SCFD2: variants seen among roughly 807,000 people sequenced by gnomAD.
SCFD2 encodes sec1 family domain-containing protein 2.
A neutral mutation model predicts 58.9 loss-of-function variants in SCFD2; 54 were observed. The ratio of observed to expected loss-of-function variants is 0.92; its 90% confidence interval spans 0.74 to 1.15. The LOEUF (loss-of-function observed/expected upper bound fraction) is 1.15. Among genes scored for constraint, SCFD2 ranks in the 50% most tolerant of loss-of-function variants. SCFD2 has a pLI of 0.00. For synonymous variants in SCFD2, 321 were observed against 335.9 expected, an observed-to-expected ratio of 0.96 and a Z score of 0.49; for missense variants, 805 against 836.6, an observed-to-expected ratio of 0.96 and a Z score of 0.47.
intron 4 of SCFD2, among the ~76,000 whole-genome samples, chr4:53,176,043 A>C (rs1477992202): frequency 6.6e-6 from 1 of 152,132 alleles, no homozygotes; most frequent in Non-Finnish European, 1.5e-5. Context: ...ATCTATTCAA[A>C]TGATATTTTT....
intron 5 of SCFD2, among the ~76,000 whole-genome samples, chr4:53,086,401 T>A (rs1191632225): frequency 1.3e-5 from 2 of 152,180 alleles, no homozygotes; most frequent in East Asian, 3.9e-4. Flanking sequence ...GACAAAGATA[T>A]GGAGGAAAAA....
At chr4:53,238,061 C>G (rs1457182897) in intron 4 of SCFD2, among the ~76,000 whole-genome samples, 3 of 137,328 alleles carry the variant, frequency 2.2e-5, no homozygotes, top group African/African-American at 8.3e-5. Flanking sequence ...GGCTGACCCC[C>G]CCACCTCCCT....
At chr4:53,021,165 T>C (rs751659791) in intron 5 of SCFD2, among the ~76,000 whole-genome samples, 32 of 152,216 alleles carry the variant, frequency 2.1e-4, no homozygotes, top group Non-Finnish European at 4.0e-4. Context: ...ACAAACTTAT[T>C]GGGCCTTTTA....
intron 5 of SCFD2, among the ~76,000 whole-genome samples, chr4:53,078,079 A>G (rs1211668889): frequency 6.6e-6 from 1 of 152,176 alleles, no homozygotes; most frequent in African/African-American, 2.4e-5. Context: ...GATCAACAGG[A>G]ACTAGTTATT....
At chr4:52,979,762 A>C (rs1016351853) in intron 5 of SCFD2, among the ~76,000 whole-genome samples, 2 of 152,192 alleles carry the variant, frequency 1.3e-5, no homozygotes, top group African/African-American at 4.8e-5. Flanking sequence ...AGTTAGAGAC[A>C]CATATCCAGA....
intron 4 of SCFD2, among the ~76,000 whole-genome samples, chr4:53,231,385 G>A (rs1333553662): frequency 1.3e-5 from 2 of 152,086 alleles, no homozygotes; most frequent in Non-Finnish European, 2.9e-5. Context: ...TAGGTGGCTC[G>A]ATAAATATTG....
chr4:52,973,455 C>T (rs1042744329), intron 5 of SCFD2, among the ~76,000 whole-genome samples: 2 of 152,162 alleles, frequency 1.3e-5, no homozygotes, highest in African/African-American at 4.8e-5. Flanking sequence ...TACACCCTCC[C>T]AAGACTAAAC....
chr4:53,222,107 A>G (rs932798313), intron 4 of SCFD2, among the ~76,000 whole-genome samples: 2 of 152,200 alleles, frequency 1.3e-5, no homozygotes, highest in Non-Finnish European at 2.9e-5. Flanking sequence ...ATCTGTTCCT[A>G]TATTACCATC....
intron 5 of SCFD2, among the ~76,000 whole-genome samples, chr4:52,990,701 T>C (rs770394058): frequency 5.9e-5 from 9 of 152,196 alleles, no homozygotes; most frequent in Non-Finnish European, 1.3e-4. Context: ...CATACACAAA[T>C]TGAAGGCAGG....
rs879615421 is a variant in SCFD2, at chr4:52,936,080, G to A, written c.1562-15210C>T. Among the ~76,000 whole-genome samples, 30 of 152,046 alleles carry A rather than the reference G, an allele frequency of 2.0e-4. No individual in the cohort carries two copies. In the South Asian group the frequency reaches 3.3e-3, roughly 17 times the overall value. On this transcript the variant is annotated intron_variant, in intron 5 of 8. Transcript: ENST00000401642. ...TCAAACTCCCGACCTCAGATGATCC[G>A]CCTGCCTCATCCTCCCAAAGTGCTG...
intron 5 of SCFD2, among the ~76,000 whole-genome samples, chr4:52,952,093 A>G (rs1577855362): frequency 6.6e-6 from 1 of 152,256 alleles, no homozygotes; most frequent in African/African-American, 2.4e-5. Context: ...CTCAGATGCC[A>G]GGTTGGTAAG....
chr4:53,340,390 C>A (rs193277470), intron 2 of SCFD2, among the ~76,000 whole-genome samples: 3 of 152,168 alleles, frequency 2.0e-5, no homozygotes, highest in Non-Finnish European at 4.4e-5. Context: ...GATCAAACTA[C>A]AAGGCGGCAG....
intron 5 of SCFD2, among the ~76,000 whole-genome samples, chr4:52,994,719 A>G (rs1721703434): frequency 6.6e-6 from 1 of 152,252 alleles, no homozygotes; most frequent in African/African-American, 2.4e-5. Context: ...GCAGCAATTT[A>G]GACAGACACT....
chr4:53,097,229 T>C (rs1724679685), intron 5 of SCFD2, among the ~76,000 whole-genome samples: 1 of 152,148 alleles, frequency 6.6e-6, no homozygotes, highest in Non-Finnish European at 1.5e-5. Context: ...AACTTTAAAG[T>C]TGTTTTTTCC....
At chr4:52,965,064 C>A (rs962491768) in intron 5 of SCFD2, among the ~76,000 whole-genome samples, 3 of 152,006 alleles carry the variant, frequency 2.0e-5, no homozygotes, top group Non-Finnish European at 2.9e-5. Context: ...TCATAATGAT[C>A]ATTCACTCAG....
intron 1 of SCFD2, among the ~76,000 whole-genome samples, chr4:53,353,997 A>G (rs35848302): frequency 5.3e-5 from 8 of 152,234 alleles, no homozygotes; most frequent in African/African-American, 1.9e-4. Context: ...TCCCCACCCA[A>G]CTCAAGAGCC....
At chr4:53,200,610 G>A (rs1377632340) in intron 4 of SCFD2, among the ~76,000 whole-genome samples, 2 of 152,042 alleles carry the variant, frequency 1.3e-5, no homozygotes, top group Non-Finnish European at 2.9e-5. Context: ...AAAGTCAGAA[G>A]ATAGGACAAG....
At chr4:52,910,659 C>A (rs1451481878) in intron 6 of SCFD2, among the ~76,000 whole-genome samples, 2 of 152,064 alleles carry the variant, frequency 1.3e-5, no homozygotes, top group African/African-American at 4.8e-5. Context: ...AGAAAATATA[C>A]CCCTGATATG....
chr4:53,121,237 C>T (rs1725469068), intron 5 of SCFD2, among the ~76,000 whole-genome samples: 1 of 152,150 alleles, frequency 6.6e-6, no homozygotes, highest in Non-Finnish European at 1.5e-5. Flanking sequence ...AACTCCACTG[C>T]ACCTAAGGGC....
Sources: allele counts gnomAD v4.1 joint callset (sites outside exome capture counted in the v4.1 genomes callset), GRCh38; gene constraint gnomAD v4.1.1; transcripts MANE v1.5; gene names NCBI Gene and HGNC (gene_info 2026-07-23, HGNC 2026-07-21).